ATRX: variants seen among roughly 807,000 people sequenced by gnomAD.
ATRX encodes the protein chromatin remodeler ATRX.
In ATRX, 12 loss-of-function variants were observed where a neutral mutation model predicts 172.6. That is an observed-to-expected ratio of 0.07 (90% CI 0.04 to 0.11). The LOEUF (loss-of-function observed/expected upper bound fraction) is 0.11, where lower values mean the gene tolerates loss of function less well. Ranked by LOEUF, ATRX falls within the 10% of genes least tolerant of loss-of-function variation. The pLI, the probability that ATRX is intolerant of heterozygous loss-of-function variation, is 1.00. For synonymous variants in ATRX, 674 were observed against 594.7 expected (o/e 1.13, Z -1.94); for missense variants, 1,368 against 1,767.4 (o/e 0.77, Z 4.05).
intron 9 of ATRX, among the ~76,000 whole-genome samples, chrX:77,676,876 C>G (rs782254700): frequency 1.8e-5 from 2 of 112,159 alleles, no homozygotes; most frequent in Non-Finnish European, 3.8e-5. Flanking sequence ...AATCCCAGCA[C>G]TTTGGGAAGC....
intron 22 of ATRX, among the ~76,000 whole-genome samples, chrX:77,614,813 A>T (rs1223153529): frequency 9.0e-6 from 1 of 111,589 alleles, no homozygotes; most frequent in East Asian, 2.8e-4. Flanking sequence ...AAACAGTAGA[A>T]CTTATTCCTT....
At chrX:77,538,711 T>C (rs2063850036) in intron 30 of ATRX, among the ~76,000 whole-genome samples, 1 of 111,426 alleles carries the variant, frequency 9.0e-6, no homozygotes, top group African/African-American at 3.3e-5. Flanking sequence ...GCCTGAGCAA[T>C]TGTGAGGATC....
chrX:77,530,138 T>A (rs1165432608), intron 30 of ATRX, among the ~76,000 whole-genome samples: 3 of 111,485 alleles, frequency 2.7e-5, no homozygotes, highest in African/African-American at 6.5e-5. Flanking sequence ...GAATAAGAAA[T>A]CCACTCAAAA....
At chrX:77,620,687 G>A (rs545476017) in intron 19 of ATRX, among the ~76,000 whole-genome samples, 155 bp from the exon 20 acceptor site, 6 of 111,549 alleles carry the variant, frequency 5.4e-5, no homozygotes, top group Non-Finnish European at 7.5e-5. Flanking sequence ...ATCTGCTCCC[G>A]TATTTGGTTA....
In ATRX at chrX:77,698,933, C is replaced by T. The variant is rs782268751; in HGVS notation, c.134-304G>A. 2.0e-3 allele frequency: 642 copies of T among 322,046 alleles called. 1 individual carries two copies. The highest frequency in any genetic ancestry group is 3.2e-3 in the Non-Finnish European group (565 of 178,345). 26.5% of individuals were successfully genotyped at this position (322,046 alleles called of 1,213,427 possible). ...CAGCAGAAGAAAATTTAAACTATTA[C>T]ACTAAAAATAAAAAACATACTACCA... is the stretch of plus-strand genomic sequence containing the variant. On this transcript the variant is annotated intron_variant, in intron 2 of 34. Coordinates refer to ENST00000373344, the MANE Select transcript of ATRX (RefSeq NM_000489.6).
At chrX:77,526,169 C>A (rs1557043616) in intron 30 of ATRX, among the ~76,000 whole-genome samples, 1 of 111,649 alleles carries the variant, frequency 9.0e-6, no homozygotes, top group East Asian at 2.8e-4. Flanking sequence ...AGTGATGATT[C>A]TATCACACCA....
chrX:77,599,218 A>T (rs782580884), intron 25 of ATRX, among the ~76,000 whole-genome samples, 193 bp downstream of exon 25: 2 of 111,827 alleles, frequency 1.8e-5, no homozygotes, highest in African/African-American at 3.2e-5. Context: ...AATACCAGAG[A>T]GCACAGAGTA....
At chrX:77,550,809 T>C (rs1435321388) in intron 30 of ATRX, among the ~76,000 whole-genome samples, 8 of 111,601 alleles carry the variant, frequency 7.2e-5, no homozygotes, top group Non-Finnish European at 1.5e-4. Flanking sequence ...CAAGCATTCC[T>C]ATACACTAAT....
intron 22 of ATRX, among the ~76,000 whole-genome samples, chrX:77,613,421 C>T (rs2067238531): frequency 9.0e-6 from 1 of 111,372 alleles, no homozygotes. Context: ...AAATCCTTTG[C>T]TTCTTTTTGA....
chrX:77,757,829 G>A (rs1251685691), intron 1 of ATRX, among the ~76,000 whole-genome samples: 7 of 108,644 alleles, frequency 6.4e-5, no homozygotes, highest in South Asian at 4.1e-4. Context: ...CTGCCACCAC[G>A]CTCAGCTAAT....
At chrX:77,765,060 G>C (rs1477051098) in intron 1 of ATRX, among the ~76,000 whole-genome samples, 1 of 110,599 alleles carries the variant, frequency 9.0e-6, no homozygotes, top group Non-Finnish European at 1.9e-5. Flanking sequence ...CCAGCTACTC[G>C]GGAGGCTGAG....
At chrX:77,702,768 C>T (rs1355760807) in intron 2 of ATRX, among the ~76,000 whole-genome samples, 1 of 111,266 alleles carries the variant, frequency 9.0e-6, no homozygotes, top group Non-Finnish European at 1.9e-5. Context: ...ACCCTATTGC[C>T]CAGGCTGGAG....
At chrX:77,688,789 G>T (rs2148655741) in intron 7 of ATRX, 29 bp downstream of exon 7, 1 of 1,096,223 alleles carries the variant, frequency 9.1e-7, no homozygotes, top group Non-Finnish European at 1.3e-6. Flanking sequence ...AATATTTACG[G>T]TATGAAATAT....
In ATRX at chrX:77,765,896, A is replaced by G. The variant is rs1603331116; in HGVS notation, c.20+20086T>C. 5.5e-5 allele frequency among the ~76,000 whole-genome samples: 6 copies of G among 108,644 alleles called. No individual in the cohort carries two copies. In the South Asian group the frequency reaches 2.4e-3, roughly 44 times the overall value. The allele number at this position is 108,644 out of a possible 115,157, so 94.3% of individuals were successfully genotyped here. ...AGATTAGGGAGTGGTGATGATTCTT[A>G]ACGAGCATGCTGCCTTCAAGCATCT... On this transcript the variant is annotated intron_variant, in intron 1 of 34. Transcript: ENST00000373344.
At position 77,604,891 on chromosome X, in the gene ATRX, T is replaced by C. The variant is rs782590495; in HGVS notation, c.5567-4327A>G. On this transcript the variant is annotated intron_variant, in intron 22 of 34. Coordinates refer to ENST00000373344, the MANE Select transcript of ATRX (RefSeq NM_000489.6). ...GAGGCCATTATCTTAAGTGAAACAA[T>C]TGAGACACAGAAAGATAAATAGTGT... is the stretch of plus-strand genomic sequence containing the variant. 9.8e-5 allele frequency among the ~76,000 whole-genome samples: 11 copies of C among 112,052 alleles called. No individual in the cohort carries two copies. The South Asian group carries it at 1.1e-3, about 11-fold the overall frequency.
chrX:77,722,976 T>C (rs2073851318), intron 1 of ATRX, among the ~76,000 whole-genome samples: 1 of 112,192 alleles, frequency 8.9e-6, no homozygotes, highest in Non-Finnish European at 1.9e-5. Flanking sequence ...AAAGAAAATG[T>C]GGCACATATA....
At chrX:77,565,858 A>C (rs2065180032) in intron 28 of ATRX, among the ~76,000 whole-genome samples, 1 of 110,778 alleles carries the variant, frequency 9.0e-6, no homozygotes. Context: ...TGTCTCAAAA[A>C]AAAAAAAAAT....
chrX:77,736,063 A>G (rs549969189), intron 1 of ATRX, among the ~76,000 whole-genome samples: 1 of 110,475 alleles, frequency 9.1e-6, no homozygotes, highest in Non-Finnish European at 1.9e-5. Context: ...ACATAAATAA[A>G]ATCAAAATGG....
chrX:77,574,696 T>A (rs2065546069), intron 27 of ATRX, among the ~76,000 whole-genome samples: 1 of 111,824 alleles, frequency 8.9e-6, no homozygotes, highest in South Asian at 3.7e-4. Context: ...ATGTTTTAAG[T>A]TATATCTGTA....
Sources: gnomAD v4.1 joint callset for allele counts (sites outside exome capture counted in the v4.1 genomes callset) on GRCh38, gnomAD v4.1.1 for gene constraint, MANE v1.5 for transcripts, NCBI Gene and HGNC (gene_info 2026-07-23, HGNC 2026-07-21) for gene names.